The following MTARC2 variants were observed in gnomAD, a reference collection of about 807,000 sequenced individuals.
MTARC2 encodes mitochondrial amidoxime reducing component 2, also known as MOCO sulphurase C-terminal domain containing 2.
MTARC2 carries 27 observed loss-of-function variants against 35.6 expected under a neutral mutation model. The ratio of observed to expected loss-of-function variants is 0.76; its 90% CI spans 0.56 to 1.04. MTARC2 has a LOEUF of 1.04. MTARC2 is among the 50% of genes least tolerant of loss of function. The pLI is 0.00. For synonymous variants in MTARC2, 158 were observed against 167.1 expected, an observed-to-expected ratio of 0.95 and a Z score of 0.42; for missense variants, 412 against 432.5, an observed-to-expected ratio of 0.95 and a Z score of 0.42.
chr1:220,764,445 T>C (rs78810684), intron 4 of MTARC2, among the ~76,000 whole-genome samples: 2 of 152,140 alleles, frequency 1.3e-5, no homozygotes, highest in Non-Finnish European at 2.9e-5. Flanking sequence ...CACTGAGCCT[T>C]GTATAAACCA....
At chr1:220,761,377 TG>T (rs1323054851) in intron 2 of MTARC2, among the ~76,000 whole-genome samples, 2 of 152,236 alleles carry the variant, frequency 1.3e-5, no homozygotes, top group Admixed American at 6.5e-5. Flanking sequence ...AGAAGCTTGT[TG>T]GGAATGCAGA....
chr1:220,771,036 C>T (rs928379697), intron 4 of MTARC2, among the ~76,000 whole-genome samples: 1 of 152,152 alleles, frequency 6.6e-6, no homozygotes, highest in Non-Finnish European at 1.5e-5. Flanking sequence ...CCGTGGCTCA[C>T]GCCTGTAATC....
Position 220,760,980 on chromosome 1 carries a change from A to G in MTARC2, c.447-678A>G, listed in dbSNP as rs182600830. ...ATGTCAGTGTTTAGAATTCAATGGA[A>G]ATGATGTCTTTCAGAACAAATTAAA... On this transcript the variant is annotated intron_variant, in intron 2 of 7. Transcript: ENST00000366913. Among the ~76,000 whole-genome samples the G allele has an allele frequency of 1.3e-3, 196 of 152,342 alleles. 1 individual carries two copies. The highest frequency in any genetic ancestry group is 6.8e-3 in the Middle Eastern group (2 of 294).
chr1:220,763,784 G>GC (rs1671503188), intron 4 of MTARC2, among the ~76,000 whole-genome samples: 1 of 152,196 alleles, frequency 6.6e-6, no homozygotes, highest in Non-Finnish European at 1.5e-5. Context: ...TAGGCATTGA[G>GC]CTAAATAATC....
intron 4 of MTARC2, among the ~76,000 whole-genome samples, chr1:220,770,161 G>A (rs942369906): frequency 6.6e-6 from 1 of 152,106 alleles, no homozygotes; most frequent in African/African-American, 2.4e-5. Flanking sequence ...TATTGCACAT[G>A]CTGTGTTCTA....
At chr1:220,759,492 C>T (rs1387631917) in intron 2 of MTARC2, among the ~76,000 whole-genome samples, 1 of 152,026 alleles carries the variant, frequency 6.6e-6, no homozygotes, top group Non-Finnish European at 1.5e-5. Flanking sequence ...TGCCTTCCAT[C>T]GGGGGGAAGG....
In MTARC2 at chr1:220,748,747, G is replaced by A. The variant is rs369099325; in HGVS notation, c.216G>A (p.Pro72=). 6.2e-7 allele frequency: 1 copy of A among 1,600,152 alleles called. No individual in the cohort carries two copies. The highest frequency in any genetic ancestry group is 8.5e-7 in the Non-Finnish European group (1 of 1,173,672). The change falls in exon 1 of 8, where the codon CCG becomes CCA. Residue 72 remains proline, a synonymous_variant. Coordinates refer to ENST00000366913, the MANE Select transcript of MTARC2 (RefSeq NM_017898.5). ...IYPVKSCKGV[P]VSEAECTAMG... is the part of the protein sequence containing the mutation. ...CGGTGAAATCCTGCAAAGGGGTGCC[G>A]GTGAGCGAGGCTGAGTGCACGGCCA...
At chr1:220,749,053 G>A (rs187244418) in intron 1 of MTARC2, among the ~76,000 whole-genome samples, 20 of 152,320 alleles carry the variant, frequency 1.3e-4, no homozygotes, top group African/African-American at 4.1e-4. Flanking sequence ...ACAGGAGGGG[G>A]TCTGACCTGT....
At chr1:220,750,863 T>A (rs1320646965) in intron 1 of MTARC2, among the ~76,000 whole-genome samples, 2 of 152,192 alleles carry the variant, frequency 1.3e-5, no homozygotes, top group Non-Finnish European at 2.9e-5. Flanking sequence ...ATGCTGTTTG[T>A]ATGAAACCAG....
chr1:220,751,313 C>T (rs886700355), intron 1 of MTARC2, among the ~76,000 whole-genome samples: 9 of 152,172 alleles, frequency 5.9e-5, no homozygotes, highest in African/African-American at 2.2e-4. Context: ...TTAAAGTCCA[C>T]CTGGCAGAAT....
At position 220,774,943 on chromosome 1, in the gene MTARC2, C is replaced by CTGTGAGAG. The variant is rs1279896618; in HGVS notation, c.751-5075_751-5074insTGTGAGAG. 2.2e-3 allele frequency among the ~76,000 whole-genome samples: 323 copies of CTGTGAGAG among 149,992 alleles called. 5 individuals are homozygous for CTGTGAGAG. In the East Asian group the frequency reaches 0.052, roughly 24 times the overall value. ...CATGCAATTGTGTGTCTATATAGAC[C>CTGTGAGAG]CGTGTGTGTGCGTGTGTGTGTGTGT... On this transcript the variant is annotated intron_variant, in intron 4 of 7. Coordinates refer to ENST00000366913, the MANE Select transcript of MTARC2 (RefSeq NM_017898.5).
chr1:220,749,227 C>T (rs148352498), intron 1 of MTARC2, among the ~76,000 whole-genome samples: 1 of 152,254 alleles, frequency 6.6e-6, no homozygotes, highest in Non-Finnish European at 1.5e-5. Context: ...TTCTCCAATC[C>T]TGGGGGTGCC....
chr1:220,755,520 G>T (rs1004698515), intron 2 of MTARC2, among the ~76,000 whole-genome samples: 1 of 152,224 alleles, frequency 6.6e-6, no homozygotes, highest in Non-Finnish European at 1.5e-5. Flanking sequence ...CCACAGGAAA[G>T]GAGAAGCAAG....
chr1:220,748,426 A>C lies in MTARC2; in HGVS notation c.-106A>C. 5 of 1,188,552 alleles carry C rather than the reference A, an allele frequency of 4.2e-6. No individual in the cohort carries two copies. The highest frequency in any genetic ancestry group is 3.2e-6 in the Non-Finnish European group (3 of 933,030). The allele number at this position is 1,188,552 out of a possible 1,614,324, so 73.6% of individuals were successfully genotyped here. ...TGTGAGAGGGTCCGTAGTTGGGTCA[A>C]CTTTGACTCCTCTCGCCTGCCCGGA... On this transcript the variant is annotated 5_prime_UTR_variant, in exon 1 of 8. Transcript: ENST00000366913.
chr1:220,782,078 T>G, intron 7 of MTARC2, 146 bp downstream of exon 7: 1 of 699,150 alleles, frequency 1.4e-6, no homozygotes, highest in Non-Finnish European at 2.2e-6. Context: ...AAAATGCCCT[T>G]AATTTCTGTT....
intron 4 of MTARC2, among the ~76,000 whole-genome samples, chr1:220,774,134 C>T (rs907588375): frequency 4.6e-5 from 7 of 151,232 alleles, no homozygotes; most frequent in Non-Finnish European, 7.4e-5. Flanking sequence ...GACGTGATCT[C>T]GGCTCACTGC....
chr1:220,759,752 G>A (rs539865397), intron 2 of MTARC2, among the ~76,000 whole-genome samples: 1 of 152,256 alleles, frequency 6.6e-6, no homozygotes, highest in African/African-American at 2.4e-5. Flanking sequence ...GATGTCTGTA[G>A]AGCCAAGAAT....
intron 4 of MTARC2, among the ~76,000 whole-genome samples, chr1:220,778,929 C>A (rs576336485): frequency 6.6e-6 from 1 of 152,194 alleles, no homozygotes; most frequent in Admixed American, 6.5e-5. Context: ...TAGTTAAGTA[C>A]CCTAGTCCTG....
intron 1 of MTARC2, among the ~76,000 whole-genome samples, chr1:220,751,696 C>T (rs974749480): frequency 1.3e-4 from 20 of 152,080 alleles, no homozygotes; most frequent in African/African-American, 4.6e-4. Context: ...GTTGGTTGTT[C>T]GGGGCTCTAT....
Sources: allele counts gnomAD v4.1 joint callset (sites outside exome capture counted in the v4.1 genomes callset), GRCh38; gene constraint gnomAD v4.1.1; transcripts MANE v1.5; gene names NCBI Gene and HGNC (gene_info 2026-07-23, HGNC 2026-07-21).